The following GPR89B variants were observed in gnomAD, a reference collection of about 807,000 sequenced individuals.
GPR89B encodes the protein golgi pH regulator B, also known as G protein-coupled receptor 89B.
A neutral mutation model predicts 52.4 loss-of-function variants in GPR89B; 25 were observed. That is an observed-to-expected ratio of 0.48 (90% confidence interval 0.35 to 0.67). The LOEUF (loss-of-function observed/expected upper bound fraction) is 0.67, where lower values mean the gene tolerates loss of function less well. Among genes scored for constraint, GPR89B ranks in the 30% least tolerant of loss-of-function variants. GPR89B has a pLI of 0.01. For synonymous variants in GPR89B, 52 were observed against 151.2 expected (o/e 0.34, Z 4.81); for missense variants, 146 against 450.2 (o/e 0.32, Z 6.11).
chr1:148,023,076 C>T, the GPR89B span, among the ~76,000 whole-genome samples: 1 of 151,466 alleles, frequency 6.6e-6, no homozygotes, highest in Non-Finnish European at 1.5e-5. Flanking sequence ...AGTTTTTCAA[C>T]CCACTCTCCC....
rs1390864390 is a variant in GPR89B, at chr1:147,992,536, A to G, written c.1130A>G (p.Asn377Ser). 4.3e-6 allele frequency: 7 copies of G among 1,611,484 alleles called. No individual in the cohort carries two copies. Among genetic ancestry groups the G allele is most frequent in the African/African-American group, 1.3e-5 (1 of 74,778 alleles). ...FYAISSSKSS[N>S]VIVLLLAQIM... ...GCCATCTCTAGCAGTAAGTCCTCCA[A>G]TGTCATTGTCCTGCTATTAGCACAG... Residue 377 changes from asparagine to serine, a missense_variant, in exon 13 of 14, where the codon AAT becomes AGT. Coordinates refer to ENST00000314163, the MANE Select transcript of GPR89B (RefSeq NM_016334.5).
intron 7 of GPR89B, among the ~76,000 whole-genome samples, chr1:147,958,317 A>G (rs1246465633): frequency 1.8e-4 from 28 of 152,038 alleles, no homozygotes; most frequent in Middle Eastern, 6.8e-3. Context: ...TCCCAAGGCT[A>G]TTCTCTTTCT....
the GPR89B span, chr1:148,005,363 T>A: frequency 6.7e-7 from 1 of 1,495,966 alleles, no homozygotes; most frequent in East Asian, 2.3e-5. Flanking sequence ...AAGTACCCTT[T>A]GGGGCATACC....
chr1:147,934,813 C>G (rs1553247590), intron 1 of GPR89B, among the ~76,000 whole-genome samples: 1 of 152,062 alleles, frequency 6.6e-6, no homozygotes, highest in East Asian at 1.9e-4. Flanking sequence ...AGTAACCATC[C>G]TATTCATCTT....
rs145180537 is a variant in GPR89B, at chr1:147,951,977, C to A, written c.416-1368C>A. Among the ~76,000 whole-genome samples the A allele has an allele frequency of 5.4e-3, 825 of 152,028 alleles. 19 individuals carry two copies. The highest frequency in any genetic ancestry group is 0.019 in the African/African-American group (781 of 41,348). ...ATTGGAAAATGTTGAATTTTGCAAC[C>A]AGGAGAAAATTCATGACCATAGTGT... On this transcript the variant is annotated intron_variant, in intron 5 of 13. Transcript: ENST00000314163.
At chr1:147,982,306 C>T (rs1195559341) in intron 10 of GPR89B, among the ~76,000 whole-genome samples, 3 of 151,582 alleles carry the variant, frequency 2.0e-5, no homozygotes, top group East Asian at 3.9e-4. Context: ...GTGATCTACC[C>T]GCCTCAGCCT....
chr1:147,935,819 C>T (rs1268239023), intron 1 of GPR89B, among the ~76,000 whole-genome samples: 1 of 152,176 alleles, frequency 6.6e-6, no homozygotes, highest in Admixed American at 6.5e-5. Context: ...ACTGCAGCCT[C>T]AACTTCCTAG....
At chr1:147,936,349 TATA>T (rs1553247872) in intron 1 of GPR89B, among the ~76,000 whole-genome samples, 1 of 152,234 alleles carries the variant, frequency 6.6e-6, no homozygotes. Context: ...CTCTGGCTCA[TATA>T]ATGATTATCA....
At chr1:148,015,503 CG>C in the GPR89B span, among the ~76,000 whole-genome samples, 2 of 145,760 alleles carry the variant, frequency 1.4e-5, no homozygotes, top group Admixed American at 7.0e-5. Flanking sequence ...ATAGTAGAGA[CG>C]GGGGTTTCAT....
the GPR89B span, among the ~76,000 whole-genome samples, chr1:148,008,266 C>T: frequency 6.6e-6 from 1 of 152,198 alleles, no homozygotes; most frequent in Non-Finnish European, 1.5e-5. Flanking sequence ...TAACCTAAAC[C>T]ATTCACCATG....
chr1:147,933,455 A>G (rs1440209629), intron 1 of GPR89B, among the ~76,000 whole-genome samples: 8 of 151,834 alleles, frequency 5.3e-5, no homozygotes, highest in African/African-American at 4.8e-5. Context: ...ACTCATAGGT[A>G]TATCTTAGAC....
the GPR89B span, among the ~76,000 whole-genome samples, chr1:148,002,324 C>T: frequency 6.6e-6 from 1 of 151,980 alleles, no homozygotes; most frequent in African/African-American, 2.4e-5. Context: ...CATCCCACTT[C>T]TTCTACCCTG....
At chr1:147,991,965 C>T (rs1241819684) in intron 12 of GPR89B, among the ~76,000 whole-genome samples, 6 of 151,996 alleles carry the variant, frequency 3.9e-5, no homozygotes, top group African/African-American at 1.2e-4. Flanking sequence ...TTTTATGAGG[C>T]CAGCATCATC....
rs1189035337 is a variant in GPR89B at position 147,981,318 on chromosome 1, G to GACACAC, written c.910-4875_910-4870dup. Among the ~76,000 whole-genome samples the GACACAC allele has an allele frequency of 5.4e-4, 81 of 149,264 alleles. 1 individual carries two copies. Among genetic ancestry groups the GACACAC allele is most frequent in the African/African-American group, 1.8e-3 (72 of 39,718 alleles). On this transcript the variant is annotated intron_variant, in intron 10 of 13. Transcript: ENST00000314163. ...CCCCATTCTTTACCCCTCCCTCCCCGACACACACACATACACACACACACA... is the reference window on the plus strand; with the variant it reads ...CCCCATTCTTTACCCCTCCCTCCCCGACACACACACACACACATACACACACACACA...
chr1:148,015,293 A>ACCTCTCTCTC, the GPR89B span, among the ~76,000 whole-genome samples: 2 of 69,888 alleles, frequency 2.9e-5, no homozygotes, highest in Admixed American at 3.5e-4. Context: ...GGATTCTAGG[A>ACCTCTCTCTC]TCTCTCTCTC....
the GPR89B span, among the ~76,000 whole-genome samples, chr1:148,020,964 AG>A: frequency 4.6e-5 from 7 of 151,530 alleles, no homozygotes; most frequent in Admixed American, 4.6e-4. Context: ...GTGGGATTAC[AG>A]GCGTGAGCCC....
intron 7 of GPR89B, among the ~76,000 whole-genome samples, chr1:147,957,390 G>C (rs1384958183): frequency 6.6e-6 from 1 of 150,398 alleles, no homozygotes; most frequent in African/African-American, 2.4e-5. Context: ...AAACAAGTTA[G>C]AGCCCTTAGA....
At chr1:147,935,234 G>T (rs1295792391) in intron 1 of GPR89B, among the ~76,000 whole-genome samples, 3 of 151,996 alleles carry the variant, frequency 2.0e-5, no homozygotes, top group African/African-American at 7.3e-5. Flanking sequence ...ATCTACACAG[G>T]TCTCGATGTG....
chr1:147,990,022 C>G (rs1161169914), intron 12 of GPR89B, among the ~76,000 whole-genome samples: 2 of 152,300 alleles, frequency 1.3e-5, no homozygotes, highest in Middle Eastern at 3.4e-3. Context: ...AGTTGTAGAT[C>G]CTTGAGGAAT....
Sources: gnomAD v4.1 joint callset for allele counts (sites outside exome capture counted in the v4.1 genomes callset) on GRCh38, gnomAD v4.1.1 for gene constraint, MANE v1.5 for transcripts, NCBI Gene and HGNC (gene_info 2026-07-23, HGNC 2026-07-21) for gene names.